LBR: variants seen among roughly 807,000 people sequenced by gnomAD.
LBR encodes lamin B receptor.
A neutral mutation model predicts 74.3 loss-of-function variants in LBR; 28 were observed. That is an observed-to-expected ratio of 0.38 (90% CI 0.28 to 0.52). The LOEUF is 0.52. Among genes scored for constraint, LBR ranks in the 20% least tolerant of loss-of-function variants. The pLI, the probability that LBR is intolerant of heterozygous loss-of-function variation, is 0.89. For missense variants in LBR, 717 were observed against 760.3 expected (o/e 0.94, Z 0.67); for synonymous variants, 228 against 269.3 (o/e 0.85, Z 1.50).
chr1:225,412,445 A>ACTG lies in LBR; in HGVS notation c.1084+6_1084+8dup. On this transcript the variant is annotated intron_variant, in intron 8 of 13. Transcript: ENST00000272163. Reference sequence around the variant, plus strand: ...GCATTCATCCAACATGCAATTCATCACTGCTCACCAGAGCTGGCAGGCGAC... The same window carrying ACTG: ...GCATTCATCCAACATGCAATTCATCACTGCTGCTCACCAGAGCTGGCAGGCGAC... 1.9e-6 allele frequency: 3 copies of ACTG among 1,613,648 alleles called. No homozygotes were observed. The highest frequency in any genetic ancestry group is 2.5e-6 in the Non-Finnish European group (3 of 1,179,760).
intron 7 of LBR, among the ~76,000 whole-genome samples, chr1:225,413,036 G>A (rs1207235343): frequency 6.6e-6 from 1 of 152,198 alleles, no homozygotes; most frequent in African/African-American, 2.4e-5. Context: ...CATTACCTAA[G>A]GGGAGGGTAT....
chr1:225,404,256 G>A, intron 13 of LBR, 148 bp downstream of exon 13: 1 of 952,022 alleles, frequency 1.1e-6, no homozygotes, highest in Non-Finnish European at 1.6e-6. Context: ...GAAGCCAGAG[G>A]AGCTTCTACA....
chr1:225,406,616 A>G, intron 11 of LBR, 48 bp downstream of exon 11: 2 of 1,515,470 alleles, frequency 1.3e-6, no homozygotes, highest in Non-Finnish European at 1.8e-6. Flanking sequence ...TAAAAGCCTC[A>G]GTACATAATA....
At chr1:225,410,698 A>C (rs1322113599) in intron 9 of LBR, among the ~76,000 whole-genome samples, 1 of 152,200 alleles carries the variant, frequency 6.6e-6, no homozygotes, top group African/African-American at 2.4e-5. Context: ...AAAATAACCA[A>C]CCAGTACCTT....
At chr1:225,413,790 T>C in intron 7 of LBR, 1 of 350,170 alleles carries the variant, frequency 2.9e-6, no homozygotes, top group South Asian at 2.2e-5. Flanking sequence ...TCTCAATACT[T>C]GAACCAGAGT....
chr1:225,406,799 C>T lies in LBR; in HGVS notation c.1348G>A (p.Asp450Asn), dbSNP rs775804258. 1.9e-6 allele frequency: 3 copies of T among 1,614,198 alleles called. No homozygotes were observed. The highest frequency in any genetic ancestry group is 2.2e-5 in the East Asian group (1 of 44,894). ...AAAGCCAGCATGAATCCAAATCCAT[C>T]GTGGATGATGTCCATGGTCGTCAAC... ...ALLTTMDIIH[D>N]GFGFMLAFGD... Residue 450 changes from aspartate (D) to asparagine (N), a missense_variant, in exon 11 of 14, where the codon GAT (aspartate) becomes AAT (asparagine). Physicochemically the swap from Asp to Asn is conservative, Grantham distance 23. Transcript: ENST00000272163.
At position 225,422,271 on chromosome 1, in the gene LBR, T is replaced by C; in HGVS notation, c.172A>G (p.Thr58Ala). The C allele has an allele frequency of 1.2e-6, 2 of 1,612,914 alleles. No homozygotes were observed. Among genetic ancestry groups the C allele is most frequent in the Non-Finnish European group, 1.7e-6 (2 of 1,179,682 alleles). The change falls in exon 3 of 14, where the codon ACT becomes GCT. Residue 58 changes from threonine to alanine, a missense_variant. By Grantham distance (58) the Thr-to-Ala change is moderately conservative. Transcript: ENST00000272163. ...CCACCTTTCCTTTGCCTAAAGGAAG[T>C]TAAAGGCTAGAAAGGGGGAAGAAGG... is the stretch of plus-strand genomic sequence containing the variant. ...ELKENDIKPL[T>A]SFRQRKGGST...
intron 7 of LBR, chr1:225,414,234 G>T: frequency 2.3e-6 from 1 of 434,282 alleles, no homozygotes; most frequent in Non-Finnish European, 4.7e-6. Context: ...GGCACTAAAA[G>T]GCAGAAGGTG....
intron 6 of LBR, 132 bp downstream of exon 6, chr1:225,417,852 A>T (rs2096120389): frequency 1.5e-5 from 12 of 786,112 alleles, no homozygotes; most frequent in Non-Finnish European, 2.4e-5. Flanking sequence ...GCAGCATGGC[A>T]CAGGCCTGTG....
At chr1:225,408,946 A>G (rs1010131161) in intron 10 of LBR, among the ~76,000 whole-genome samples, 1 of 152,252 alleles carries the variant, frequency 6.6e-6, no homozygotes, top group Non-Finnish European at 1.5e-5. Flanking sequence ...ATCAGTGGAA[A>G]GCTACTAGAA....
At chr1:225,418,487 C>G (rs1241833244) in intron 5 of LBR, among the ~76,000 whole-genome samples, 1 of 151,930 alleles carries the variant, frequency 6.6e-6, no homozygotes, top group Non-Finnish European at 1.5e-5. Context: ...CACTAAGGAG[C>G]GAATGTGTTG....
chr1:225,420,153 CA>C (rs2096125036), intron 3 of LBR, among the ~76,000 whole-genome samples: 2 of 151,896 alleles, frequency 1.3e-5, no homozygotes, highest in Non-Finnish European at 2.9e-5. Flanking sequence ...ACTAAAAATA[CA>C]AAAAAATTAG....
At position 225,424,021 on chromosome 1, in the gene LBR, T is replaced by C. The variant is rs774206199; in HGVS notation, c.55A>G (p.Ser19Gly). 3 of 1,614,146 alleles carry C rather than the reference T, an allele frequency of 1.9e-6. No homozygotes were observed. In the South Asian group the frequency reaches 3.3e-5, roughly 18 times the overall value. ...GEVVRGRWPG[S>G]SLYYEVEILS... ...ATTTCTACTTCATAATAAAGTGAAC[T>C]CCCAGGCCATCGACCTCTTACCACT... The change falls in exon 2 of 14, where the codon AGT (serine) becomes GGT (glycine). Residue 19 changes from serine (S) to glycine (G), a missense_variant. Transcript: ENST00000272163.
At position 225,419,460 on chromosome 1, in the gene LBR, A is replaced by G. The variant is rs753103742; in HGVS notation, c.451-8T>C. ...TGACAAACTGAATTTTTCCTAAATG[A>G]AAAATTTAAAAATTAAATATCTGCA... On this transcript the variant is annotated splice_polypyrimidine_tract_variant and splice_region_variant and intron_variant, in intron 4 of 13. Coordinates refer to ENST00000272163, the MANE Select transcript of LBR (RefSeq NM_002296.4). The G allele has an allele frequency of 6.3e-7, 1 of 1,583,942 alleles. No individual in the cohort carries two copies. Among genetic ancestry groups the G allele is most frequent in the South Asian group, 1.1e-5 (1 of 90,386 alleles).
intron 9 of LBR, among the ~76,000 whole-genome samples, chr1:225,411,070 T>C (rs1558652056): frequency 6.6e-6 from 1 of 152,220 alleles, no homozygotes; most frequent in Non-Finnish European, 1.5e-5. Context: ...CATTAATTCA[T>C]CCACACTATC....
chr1:225,403,252 C>T lies in LBR; in HGVS notation c.*51G>A, dbSNP rs370013700. The T allele has an allele frequency of 3.3e-4, 515 of 1,577,696 alleles. No homozygotes were observed. The highest frequency in any genetic ancestry group is 4.4e-4 in the Non-Finnish European group (500 of 1,147,524). ...TTTCGGATTTTTTTCCTTGTTTTTG[C>T]AAATGGCAGCTGGAATTGCAGGAGT... On this transcript the variant is annotated 3_prime_UTR_variant, in exon 14 of 14. Coordinates refer to ENST00000272163, the MANE Select transcript of LBR (RefSeq NM_002296.4).
intron 10 of LBR, among the ~76,000 whole-genome samples, chr1:225,409,735 T>C (rs937111219): frequency 1.2e-4 from 18 of 152,050 alleles, no homozygotes; most frequent in African/African-American, 4.3e-4. Flanking sequence ...AAACAAAACA[T>C]TTACCAGTCT....
intron 6 of LBR, chr1:225,417,730 C>A: frequency 5.9e-6 from 2 of 337,858 alleles, no homozygotes; most frequent in Non-Finnish European, 1.1e-5. Flanking sequence ...TTTTAAGTTC[C>A]TCCTAATAAG....
intron 7 of LBR, among the ~76,000 whole-genome samples, chr1:225,413,035 A>T (rs1418385381): frequency 6.6e-6 from 1 of 152,222 alleles, no homozygotes; most frequent in Non-Finnish European, 1.5e-5. Flanking sequence ...CCATTACCTA[A>T]GGGGAGGGTA....
Sources: gnomAD v4.1 joint callset for allele counts (sites outside exome capture counted in the v4.1 genomes callset) on GRCh38, gnomAD v4.1.1 for gene constraint, MANE v1.5 for transcripts, NCBI Gene and HGNC (gene_info 2026-07-23, HGNC 2026-07-21) for gene names.